Variants in SOX5 observed in about 807,000 individuals in gnomAD.
SOX5 encodes the protein SRY-box transcription factor 5, also known as transcription factor SOX-5.
Under a neutral mutation model 92.0 loss-of-function variants are expected in SOX5, and 9 were observed. The ratio of observed to expected loss-of-function variants is 0.10; its 90% CI spans 0.06 to 0.17. The LOEUF (loss-of-function observed/expected upper bound fraction) is 0.17, where lower values mean the gene tolerates loss of function less well. Ranked by LOEUF, SOX5 falls within the 10% of genes least tolerant of loss-of-function variation. SOX5 has a pLI of 1.00. For synonymous variants in SOX5, 344 were observed against 336.3 expected, an observed-to-expected ratio of 1.02 and a Z score of -0.25; for missense variants, 642 against 944.5, an observed-to-expected ratio of 0.68 and a Z score of 4.20.
At chr12:23,630,117 G>A (rs1156780858) in intron 8 of SOX5, among the ~76,000 whole-genome samples, 1 of 151,822 alleles carries the variant, frequency 6.6e-6, no homozygotes, top group Non-Finnish European at 1.5e-5. Context: ...TAAAAAAGTT[G>A]CATATTACAT....
intron 3 of SOX5, among the ~76,000 whole-genome samples, chr12:23,765,320 C>T (rs1328050250): frequency 8.4e-6 from 1 of 119,542 alleles, no homozygotes; most frequent in Non-Finnish European, 1.6e-5. Flanking sequence ...ACGATCTAAT[C>T]AACAAGGAAA....
intron 3 of SOX5, among the ~76,000 whole-genome samples, chr12:23,770,065 T>TG (rs2094879217): frequency 6.6e-6 from 1 of 151,088 alleles, no homozygotes; most frequent in African/African-American, 2.4e-5. Context: ...TTTTTTTTTT[T>TG]TGCCTCACAA....
intron 7 of SOX5, among the ~76,000 whole-genome samples, chr12:23,657,175 G>GT (rs2082414255): frequency 6.6e-6 from 1 of 152,018 alleles, no homozygotes; most frequent in African/African-American, 2.4e-5. Context: ...ACCATAAGAT[G>GT]TAAGCTACAA....
intron 8 of SOX5, among the ~76,000 whole-genome samples, chr12:23,621,641 G>T (rs953482181): frequency 6.6e-6 from 1 of 152,026 alleles, no homozygotes; most frequent in African/African-American, 2.4e-5. Context: ...CAAAGTAAAA[G>T]AAGGTTGGAA....
chr12:24,249,567 A>T (rs1939609476), intron 3 of SOX5, among the ~76,000 whole-genome samples: 1 of 152,182 alleles, frequency 6.6e-6, no homozygotes, highest in Non-Finnish European at 1.5e-5. Flanking sequence ...GTTGACAACA[A>T]CTTTACTCAT....
chr12:23,997,501 G>C (rs1951147481), intron 4 of SOX5, among the ~76,000 whole-genome samples: 1 of 152,078 alleles, frequency 6.6e-6, no homozygotes, highest in African/African-American at 2.4e-5. Flanking sequence ...AGACATAGTG[G>C]GCCTTGATAA....
At chr12:23,599,991 GC>G (rs1338689603) in intron 9 of SOX5, among the ~76,000 whole-genome samples, 2 of 152,146 alleles carry the variant, frequency 1.3e-5, no homozygotes, top group Non-Finnish European at 1.5e-5. Context: ...AATGAAAGTT[GC>G]TGAATACATT....
chr12:23,956,315 A>G (rs955893611), intron 4 of SOX5, among the ~76,000 whole-genome samples: 1 of 152,084 alleles, frequency 6.6e-6, no homozygotes, highest in Non-Finnish European at 1.5e-5. Context: ...GGGATCTCCA[A>G]CCCCCAAGGC....
intron 7 of SOX5, among the ~76,000 whole-genome samples, chr12:23,641,941 A>G (rs1202896239): frequency 2.0e-5 from 3 of 152,234 alleles, no homozygotes; most frequent in African/African-American, 4.8e-5. Flanking sequence ...CCTGCTATGT[A>G]TTAAGCATTC....
chr12:23,814,498 G>T (rs2095946322), intron 3 of SOX5, among the ~76,000 whole-genome samples: 1 of 152,152 alleles, frequency 6.6e-6, no homozygotes, highest in Admixed American at 6.5e-5. Context: ...TTCCCTTGAA[G>T]ATATTTCTTG....
intron 1 of SOX5, among the ~76,000 whole-genome samples, chr12:24,480,424 A>G (rs760337793): frequency 5.3e-5 from 8 of 152,182 alleles, no homozygotes; most frequent in Non-Finnish European, 1.2e-4. Context: ...CAAAATGTTA[A>G]AAAGCTTCTG....
chr12:23,849,055 A>G (rs1414134744), intron 2 of SOX5, among the ~76,000 whole-genome samples: 1 of 152,194 alleles, frequency 6.6e-6, no homozygotes, highest in African/African-American at 2.4e-5. Flanking sequence ...TGCTATGAAC[A>G]CGTCGAAAGA....
intron 6 of SOX5, among the ~76,000 whole-genome samples, chr12:23,718,674 A>G (rs2140499576): frequency 6.6e-6 from 1 of 152,340 alleles, no homozygotes; most frequent in Middle Eastern, 3.4e-3. Flanking sequence ...TTATAAAACA[A>G]CAAATTGAGT....
At chr12:23,693,575 G>A (rs1044300153) in intron 6 of SOX5, among the ~76,000 whole-genome samples, 1 of 151,930 alleles carries the variant, frequency 6.6e-6, no homozygotes, top group Non-Finnish European at 1.5e-5. Flanking sequence ...ACTCTGTCTT[G>A]ATATTTATTA....
intron 4 of SOX5, among the ~76,000 whole-genome samples, chr12:24,037,183 G>A (rs1433438245): frequency 1.3e-5 from 2 of 152,118 alleles, no homozygotes; most frequent in Non-Finnish European, 2.9e-5. Flanking sequence ...AACTCTCCCT[G>A]ACCTTTGCAA....
intron 1 of SOX5, among the ~76,000 whole-genome samples, chr12:23,942,187 T>C (rs1358389130): frequency 6.6e-6 from 1 of 151,840 alleles, no homozygotes; most frequent in Non-Finnish European, 1.5e-5. Context: ...TGTGTTCTCC[T>C]AGGTGAAGGA....
intron 4 of SOX5, among the ~76,000 whole-genome samples, chr12:24,053,191 T>A (rs1003647611): frequency 1.6e-4 from 24 of 149,446 alleles, no homozygotes; most frequent in Non-Finnish European, 1.8e-4. Context: ...CCCCCCCTTT[T>A]TTTTTTTTGA....
chr12:24,344,996 A>C (rs1953061680), intron 2 of SOX5, among the ~76,000 whole-genome samples: 1 of 152,202 alleles, frequency 6.6e-6, no homozygotes. Flanking sequence ...TTATTTACTC[A>C]GGTCAATTAC....
intron 2 of SOX5, among the ~76,000 whole-genome samples, chr12:23,854,264 A>G (rs2096664570): frequency 6.6e-6 from 1 of 152,150 alleles, no homozygotes; most frequent in African/African-American, 2.4e-5. Flanking sequence ...AGCACTGCTT[A>G]TAACTGGAAA....
Sources: allele counts gnomAD v4.1 joint callset (sites outside exome capture counted in the v4.1 genomes callset), GRCh38; gene constraint gnomAD v4.1.1; transcripts MANE v1.5; gene names NCBI Gene and HGNC (gene_info 2026-07-23, HGNC 2026-07-21).